The following CCDC77 variants were observed in gnomAD, a reference collection of about 807,000 sequenced individuals.
CCDC77 encodes the protein coiled-coil domain-containing protein 77.
In CCDC77, 56 loss-of-function variants were observed where a neutral mutation model predicts 66.8. That is an observed-to-expected ratio of 0.84 (90% CI 0.68 to 1.05). The LOEUF (loss-of-function observed/expected upper bound fraction) is 1.05. Among genes scored for constraint, CCDC77 ranks in the 50% least tolerant of loss-of-function variants. CCDC77 has a pLI of 0.00. For missense variants in CCDC77, 570 were observed against 576.8 expected, an observed-to-expected ratio of 0.99 and a Z score of 0.12; for synonymous variants, 196 against 195.2, an observed-to-expected ratio of 1.00 and a Z score of -0.03.
rs376546402 is a variant in CCDC77, at chr12:440,941, C to T, written c.1265C>T (p.Thr422Ile). The T allele has an allele frequency of 6.2e-7, 1 of 1,613,266 alleles. No individual in the cohort carries two copies. Among genetic ancestry groups the T allele is most frequent in the Non-Finnish European group, 8.5e-7 (1 of 1,179,964 alleles). Residue 422 changes from threonine to isoleucine, a missense_variant, in exon 12 of 13, where the codon ACA (threonine) becomes ATA (isoleucine). Coordinates refer to ENST00000239830, the MANE Select transcript of CCDC77 (RefSeq NM_032358.4). ...RRILEVEGFK[T>I]DIKVLRQKLK... is the part of the protein sequence containing the mutation. ...ATCCTGGAAGTAGAAGGCTTTAAGA[C>T]AGATATTAAAGTTCTCCGACAGAAA...
At position 433,294 on chromosome 12, in the gene CCDC77, CAGAACAAAATCAA is replaced by C; in HGVS notation, c.797_809del (p.Asn266SerfsTer2). On this transcript the variant is annotated frameshift_variant, in exon 9 of 13. Coordinates refer to ENST00000239830, the MANE Select transcript of CCDC77 (RefSeq NM_032358.4). LOFTEE classifies it high-confidence loss of function. ...AATACAAGTTCAGCACCAGAGAAAT[CAGAACAAAATCAA>C]AGAGCTAACCAAAAAGTGAGTGTCT... 1 of 1,613,896 alleles carries C rather than the reference CAGAACAAAATCAA, an allele frequency of 6.2e-7. No homozygotes were observed. Among genetic ancestry groups the C allele is most frequent in the Non-Finnish European group, 8.5e-7 (1 of 1,179,966 alleles).
intron 5 of CCDC77, among the ~76,000 whole-genome samples, chr12:422,758 G>A (rs1370215639): frequency 6.6e-6 from 1 of 152,198 alleles, no homozygotes; most frequent in African/African-American, 2.4e-5. Context: ...CTACAGGTGT[G>A]TGCCAACATG....
chr12:441,822 G>A lies in CCDC77; in HGVS notation c.1369G>A (p.Val457Ile), dbSNP rs1945862906. Residue 457 changes from valine to isoleucine, a missense_variant, in exon 13 of 13, where the codon GTC becomes ATC. Val to Ile is a conservative substitution (Grantham distance 29). Coordinates refer to ENST00000239830, the MANE Select transcript of CCDC77 (RefSeq NM_032358.4). ...ANQDLALLCE[V>I]RDSNRRAHKI... ...CCAGGATCTTGCCCTTCTGTGTGAG[G>A]TCCGTGACAGCAATAGACGGGCACA... is the stretch of plus-strand genomic sequence containing the variant. 6.2e-7 allele frequency: 1 copy of A among 1,613,012 alleles called. No homozygotes were observed. Among genetic ancestry groups the A allele is most frequent in the African/African-American group, 1.3e-5 (1 of 74,522 alleles).
intron 4 of CCDC77, among the ~76,000 whole-genome samples, chr12:415,316 A>G (rs1428310955): frequency 4.4e-5 from 5 of 112,822 alleles, no homozygotes; most frequent in African/African-American, 1.7e-4. Flanking sequence ...ATATTATGTT[A>G]ATATAATCAA....
chr12:404,536 G>A (rs953805622), intron 1 of CCDC77, among the ~76,000 whole-genome samples: 4 of 152,110 alleles, frequency 2.6e-5, no homozygotes, highest in Admixed American at 2.0e-4. Flanking sequence ...GGAAGGCCAA[G>A]GGAGGAGGAT....
chr12:442,050 G>T lies in CCDC77; in HGVS notation c.*130G>T. 1 of 967,108 alleles carries T rather than the reference G, an allele frequency of 1.0e-6. No homozygotes were observed. Among genetic ancestry groups the T allele is most frequent in the South Asian group, 1.6e-5 (1 of 62,062 alleles). 59.9% of individuals were successfully genotyped at this position (967,108 alleles called of 1,614,324 possible). ...GGTGGTATTCATTATTGTAAAGACA[G>T]CTTGAAGAATCGGGGACCACTAGGA... On this transcript the variant is annotated 3_prime_UTR_variant, in exon 13 of 13. Coordinates refer to ENST00000239830, the MANE Select transcript of CCDC77 (RefSeq NM_032358.4).
intron 5 of CCDC77, among the ~76,000 whole-genome samples, chr12:423,489 G>GTTTTTTTTTTTTTTTTTTTTT (rs1179236405): frequency 3.1e-5 from 1 of 32,684 alleles, no homozygotes; most frequent in Non-Finnish European, 5.6e-5. Flanking sequence ...GTTTTTTTTT[G>GTTTTTTTTTTTTTTTTTTTTT]TTTTGTTTTT....
chr12:425,397 C>G (rs764054920), intron 5 of CCDC77, among the ~76,000 whole-genome samples: 5 of 151,662 alleles, frequency 3.3e-5, no homozygotes, highest in African/African-American at 1.2e-4. Context: ...TGGTGCTTGC[C>G]GTAAACTCCA....
chr12:436,716 T>C (rs1945766130), intron 9 of CCDC77: 2 of 953,846 alleles, frequency 2.1e-6, no homozygotes, highest in Non-Finnish European at 2.5e-6. Context: ...AGAATACCAG[T>C]AACCTTCCTT....
Position 433,197 on chromosome 12 carries a change from G to A in CCDC77, c.696G>A (p.Leu232=). The change falls in exon 9 of 13, where the codon CTG becomes CTA. Residue 232 remains leucine (L), a synonymous_variant. Coordinates refer to ENST00000239830, the MANE Select transcript of CCDC77 (RefSeq NM_032358.4). ...ILQVEALQAQ[L]GEQTKLSREQ... ...AGGTGGAAGCACTGCAGGCTCAGCT[G>A]GGAGAGCAGACCAAACTTTCTCGAG... is the stretch of plus-strand genomic sequence containing the variant. The A allele has an allele frequency of 1.9e-6, 3 of 1,613,946 alleles. No individual in the cohort carries two copies. Among genetic ancestry groups the A allele is most frequent in the Non-Finnish European group, 2.5e-6 (3 of 1,179,926 alleles).
rs144010623 is a variant in CCDC77, at chr12:418,624, G to T, written c.401G>T (p.Arg134Leu). 7 of 1,613,544 alleles carry T rather than the reference G, an allele frequency of 4.3e-6. No individual in the cohort carries two copies. Among genetic ancestry groups the T allele is most frequent in the African/African-American group, 1.3e-5 (1 of 74,906 alleles). ...TTACGCCTCTACTCAGAAAATGACC[G>T]ACTGAGAATCAGGTACCAAATAGGA... The part of the protein sequence containing the change: ...HVLRLYSEND[R>L]LRIRELEDKK... The change falls in exon 5 of 13, where the codon CGA (arginine) becomes CTA (leucine). Residue 134 changes from arginine (R) to leucine (L), a missense_variant. Transcript: ENST00000239830.
intron 12 of CCDC77, among the ~76,000 whole-genome samples, 181 bp from the exon 13 acceptor site, chr12:441,593 A>C (rs1190777139): frequency 6.6e-6 from 1 of 152,058 alleles, no homozygotes; most frequent in East Asian, 1.9e-4. Flanking sequence ...TTTTCATGAG[A>C]TTTCTGCCTT....
intron 8 of CCDC77, among the ~76,000 whole-genome samples, chr12:432,796 G>T (rs753835999): frequency 6.6e-6 from 1 of 152,108 alleles, no homozygotes; most frequent in Non-Finnish European, 1.5e-5. Flanking sequence ...CAGCATTTTG[G>T]GAGGCCAAGG....
intron 9 of CCDC77, 80 bp downstream of exon 9, chr12:433,402 A>G (rs1945687662): frequency 6.4e-7 from 1 of 1,560,500 alleles, no homozygotes; most frequent in Non-Finnish European, 8.7e-7. Context: ...GTACTTGAAC[A>G]ACAGCGGGTC....
At position 418,653 on chromosome 12, in the gene CCDC77, G is replaced by A. The variant is rs371744226; in HGVS notation, c.413+17G>A. 42 of 1,605,262 alleles carry A rather than the reference G, an allele frequency of 2.6e-5. No individual in the cohort carries two copies. The African/African-American group carries it at 5.0e-4, about 19-fold the overall frequency. ...GAGAATCAGGTACCAAATAGGAGAA[G>A]GGAAATGTTGGAGTTTAACTTTAAA... On this transcript the variant is annotated intron_variant, in intron 5 of 12. Coordinates refer to ENST00000239830, the MANE Select transcript of CCDC77 (RefSeq NM_032358.4).
chr12:404,302 A>G (rs1944952681), intron 1 of CCDC77, among the ~76,000 whole-genome samples: 1 of 152,186 alleles, frequency 6.6e-6, no homozygotes, highest in African/African-American at 2.4e-5. Context: ...GGCTGAACAG[A>G]GTGAGACTCT....
chr12:436,113 G>GTT (rs1945743816), intron 9 of CCDC77, among the ~76,000 whole-genome samples: 1 of 120,756 alleles, frequency 8.3e-6, no homozygotes. Context: ...CTGATCCTTT[G>GTT]TCTTTTTTTT....
At chr12:413,968 T>C (rs11062840) in intron 4 of CCDC77, among the ~76,000 whole-genome samples, 48,740 of 151,510 alleles carry the variant, frequency 0.32, 9,707 homozygotes, top group African/African-American at 0.54. Context: ...GTCCTTGCCA[T>C]GCCACTAAAA....
chr12:428,986 C>G, intron 6 of CCDC77, 121 bp downstream of exon 6: 1 of 571,608 alleles, frequency 1.7e-6, no homozygotes, highest in Admixed American at 3.0e-5. Flanking sequence ...CATCACAGTG[C>G]CTTGTTTGCC....
Sources: gnomAD v4.1 joint callset for allele counts (sites outside exome capture counted in the v4.1 genomes callset) on GRCh38, gnomAD v4.1.1 for gene constraint, MANE v1.5 for transcripts, NCBI Gene and HGNC (gene_info 2026-07-23, HGNC 2026-07-21) for gene names.